Variants in PEX1 observed in about 807,000 individuals in gnomAD.
PEX1 encodes the protein peroxisomal biogenesis factor 1.
In PEX1, 97 loss-of-function variants were observed where a neutral mutation model predicts 152.5. The ratio of observed to expected loss-of-function variants is 0.64; its 90% CI spans 0.54 to 0.75. PEX1 has a LOEUF of 0.75. Among genes scored for constraint, PEX1 ranks in the 30% least tolerant of loss-of-function variants. The pLI, the probability that PEX1 is intolerant of heterozygous loss-of-function variation, is 0.00. For synonymous variants in PEX1, 485 were observed against 531.6 expected, an observed-to-expected ratio of 0.91 and a Z score of 1.21; for missense variants, 1,357 against 1,516.3, an observed-to-expected ratio of 0.89 and a Z score of 1.74.
At position 92,487,515 on chromosome 7, in the gene PEX1, C is replaced by CTCTT. The variant is rs1192117958; in HGVS notation, c.3790_3793dup (p.Arg1265LysfsTer27). Reference sequence around the variant, plus strand: ...CATTGTTCCACTTTGATTTTTTCTCCTCTTTGGATTTTGAAAGCTTTCATA... The same window carrying CTCTT: ...CATTGTTCCACTTTGATTTTTTCTCCTCTTTCTTTGGATTTTGAAAGCTTTCATA... On this transcript the variant is annotated frameshift_variant, in exon 24 of 24. Coordinates refer to ENST00000248633, the MANE Select transcript of PEX1 (RefSeq NM_000466.3). LOFTEE classifies it high-confidence loss of function. 1 of 1,588,770 alleles carries CTCTT rather than the reference C, an allele frequency of 6.3e-7. No individual in the cohort carries two copies. Among genetic ancestry groups the CTCTT allele is most frequent in the South Asian group, 1.1e-5 (1 of 89,144 alleles).
At position 92,501,892 on chromosome 7, in the gene PEX1, T is replaced by G; in HGVS notation, c.2414A>C (p.Glu805Ala). 6.2e-7 allele frequency: 1 copy of G among 1,612,550 alleles called. No individual in the cohort carries two copies. Among genetic ancestry groups the G allele is most frequent in the South Asian group, 1.1e-5 (1 of 91,008 alleles). ...RLSRQSISTREKLVLTTLDFQ... is the reference protein window; with the variant it reads ...RLSRQSISTRAKLVLTTLDFQ... ...CAGGTTTTAATAGTAAAACATACTTTCTCTGGTGGATATACTCTGACGAGA... is the reference window on the plus strand; with the variant it reads ...CAGGTTTTAATAGTAAAACATACTTGCTCTGGTGGATATACTCTGACGAGA... The change falls in exon 14 of 24, where the codon GAA becomes GCA. Residue 805 changes from glutamate to alanine, a missense_variant and splice_region_variant. By Grantham distance (107) the Glu-to-Ala change is moderately radical (BLOSUM62 -1). Transcript: ENST00000248633.
At chr7:92,487,799 T>C (rs1791016729) in intron 23 of PEX1, among the ~76,000 whole-genome samples, 1 of 152,202 alleles carries the variant, frequency 6.6e-6, no homozygotes, top group African/African-American at 2.4e-5. Context: ...TGAAAAATTA[T>C]AACTTCTACA....
intron 5 of PEX1, 43 bp from the exon 6 acceptor site, chr7:92,514,010 T>C: frequency 7.8e-7 from 1 of 1,285,964 alleles, no homozygotes; most frequent in Admixed American, 1.8e-5. Flanking sequence ...TATTCAAAGC[T>C]TGGTTAAGAA....
At chr7:92,493,324 G>A (rs1456322099) in intron 19 of PEX1, 195 bp from the exon 20 acceptor site, 2 of 379,770 alleles carry the variant, frequency 5.3e-6, no homozygotes, top group South Asian at 4.6e-5. Flanking sequence ...ATATATATAG[G>A]AAAATGAATG....
intron 5 of PEX1, 48 bp from the exon 6 acceptor site, chr7:92,514,015 TAAG>T (rs758531624): frequency 8.1e-7 from 1 of 1,228,530 alleles, no homozygotes; most frequent in South Asian, 1.3e-5. Flanking sequence ...AAAGCTTGGT[TAAG>T]AAATATTTCA....
intron 1 of PEX1, among the ~76,000 whole-genome samples, chr7:92,526,559 G>A (rs901729782): frequency 6.6e-6 from 1 of 152,172 alleles, no homozygotes; most frequent in Non-Finnish European, 1.5e-5. Context: ...AAACAAAGAT[G>A]TGTTATTTTC....
chr7:92,504,225 C>T (rs552054890), intron 12 of PEX1, among the ~76,000 whole-genome samples: 3 of 151,876 alleles, frequency 2.0e-5, no homozygotes, highest in Non-Finnish European at 4.4e-5. Context: ...TTGTTGGTCA[C>T]CCTGGTCAAA....
In PEX1 at chr7:92,498,438, T is replaced by C. The variant is rs530056235; in HGVS notation, c.2718+1266A>G. ...AGGCAGAGGTTGCAGTAAGCCAAGA[T>C]TGCATCACTACACTCCAGCCTGGCC... On this transcript the variant is annotated intron_variant, in intron 16 of 23. Transcript: ENST00000248633. 3.9e-5 allele frequency among the ~76,000 whole-genome samples: 6 copies of C among 152,104 alleles called. No homozygotes were observed. The East Asian group carries it at 7.7e-4, about 20-fold the overall frequency.
At chr7:92,497,741 CAG>C (rs1346598993) in intron 16 of PEX1, among the ~76,000 whole-genome samples, 3 of 152,036 alleles carry the variant, frequency 2.0e-5, no homozygotes, top group Non-Finnish European at 4.4e-5. Context: ...TCAATACAGT[CAG>C]AGAACTATAG....
At chr7:92,493,192 T>G in intron 19 of PEX1, 63 bp from the exon 20 acceptor site, 1 of 932,278 alleles carries the variant, frequency 1.1e-6, no homozygotes. Flanking sequence ...TCTTAAATTG[T>G]GTATCTTATG....
chr7:92,504,823 C>T lies in PEX1; in HGVS notation c.1980G>A (p.Leu660=), dbSNP rs1486515280. The T allele has an allele frequency of 6.2e-7, 1 of 1,613,958 alleles. No individual in the cohort carries two copies. The highest frequency in any genetic ancestry group is 8.5e-7 in the Non-Finnish European group (1 of 1,179,922). The change falls in exon 12 of 24, where the codon CTG becomes CTA. Residue 660 remains leucine (L), a synonymous_variant. Transcript: ENST00000248633. ...EAVWMQPSVV[L]LDDLDLIAGL... ...CAGCAATGAGGTCAAGGTCATCCAGCAGGACAACAGATGGCTGCATCCACA... is the reference window on the plus strand; with the variant it reads ...CAGCAATGAGGTCAAGGTCATCCAGTAGGACAACAGATGGCTGCATCCACA...
chr7:92,487,808 C>T (rs1156317255), intron 23 of PEX1, among the ~76,000 whole-genome samples: 1 of 152,114 alleles, frequency 6.6e-6, no homozygotes, highest in Non-Finnish European at 1.5e-5. Context: ...ATAACTTCTA[C>T]ACTTTAATCA....
chr7:92,520,765 A>C (rs931639172), intron 2 of PEX1, among the ~76,000 whole-genome samples: 2 of 152,194 alleles, frequency 1.3e-5, no homozygotes, highest in African/African-American at 4.8e-5. Context: ...AGAGAAAGAG[A>C]GAGACATGTT....
chr7:92,525,481 A>G (rs1562871692), intron 1 of PEX1, among the ~76,000 whole-genome samples: 3 of 152,340 alleles, frequency 2.0e-5, no homozygotes, highest in East Asian at 3.9e-4. Flanking sequence ...TCAAGTTCTG[A>G]GTACAGAGAA....
intron 11 of PEX1, among the ~76,000 whole-genome samples, chr7:92,505,833 A>G (rs1331994236): frequency 6.6e-6 from 1 of 152,252 alleles, no homozygotes; most frequent in Non-Finnish European, 1.5e-5. Flanking sequence ...CTTTAAAAGT[A>G]CAAAAGTGTT....
chr7:92,527,530 T>C (rs974556187), intron 1 of PEX1, among the ~76,000 whole-genome samples: 10 of 152,226 alleles, frequency 6.6e-5, no homozygotes, highest in Admixed American at 3.3e-4. Flanking sequence ...CTTGAAATTA[T>C]TGCAAACTCT....
At chr7:92,499,021 C>T (rs1370274229) in intron 16 of PEX1, among the ~76,000 whole-genome samples, 1 of 152,124 alleles carries the variant, frequency 6.6e-6, no homozygotes, top group South Asian at 2.1e-4. Context: ...ATAGATGGAT[C>T]GCTGCTCCCA....
chr7:92,515,393 C>T (rs891892321), intron 5 of PEX1, among the ~76,000 whole-genome samples: 1 of 151,828 alleles, frequency 6.6e-6, no homozygotes, highest in African/African-American at 2.4e-5. Flanking sequence ...AGTTGTATCA[C>T]CAAGTGATCA....
At chr7:92,498,832 T>C (rs1483543681) in intron 16 of PEX1, among the ~76,000 whole-genome samples, 1 of 152,230 alleles carries the variant, frequency 6.6e-6, no homozygotes, top group Non-Finnish European at 1.5e-5. Context: ...AAACCCCAGC[T>C]TCCTGCCTCA....
Sources: gnomAD v4.1 joint callset for allele counts (sites outside exome capture counted in the v4.1 genomes callset) on GRCh38, gnomAD v4.1.1 for gene constraint, MANE v1.5 for transcripts, NCBI Gene and HGNC (gene_info 2026-07-23, HGNC 2026-07-21) for gene names.